IGSF11: variants seen among roughly 807,000 people sequenced by gnomAD.
The protein encoded by IGSF11 is CXADR like 1.
Under a neutral mutation model 41.0 loss-of-function variants are expected in IGSF11, and 22 were observed. The ratio of observed to expected loss-of-function variants is 0.54; its 90% CI spans 0.38 to 0.77. The LOEUF is 0.77. Ranked by LOEUF, IGSF11 falls within the 30% of genes least tolerant of loss-of-function variation. IGSF11 has a pLI of 0.00. For synonymous variants in IGSF11, 219 were observed against 201.3 expected, an observed-to-expected ratio of 1.09 and a Z score of -0.74; for missense variants, 444 against 530.8, an observed-to-expected ratio of 0.84 and a Z score of 1.61.
intron 1 of IGSF11, among the ~76,000 whole-genome samples, chr3:119,009,980 T>C (rs1234758185): frequency 6.6e-6 from 1 of 152,206 alleles, no homozygotes; most frequent in African/African-American, 2.4e-5. Context: ...TTTTGATATT[T>C]TGAATATGAA....
intron 1 of IGSF11, among the ~76,000 whole-genome samples, chr3:119,008,329 T>C (rs1407395324): frequency 6.6e-6 from 1 of 152,232 alleles, no homozygotes; most frequent in African/African-American, 2.4e-5. Flanking sequence ...CCTTGCACTT[T>C]TTGAATTCCA....
At chr3:118,958,844 A>G (rs1386788229) in intron 1 of IGSF11, among the ~76,000 whole-genome samples, 1 of 152,214 alleles carries the variant, frequency 6.6e-6, no homozygotes, top group Admixed American at 6.5e-5. Flanking sequence ...GAGAACAGCT[A>G]TTTATTAAGG....
intron 2 of IGSF11, 135 bp from the exon 3 acceptor site, chr3:118,928,851 C>A: frequency 1.5e-6 from 1 of 659,978 alleles, no homozygotes. Flanking sequence ...TAATTATCAT[C>A]AACTTTTTTT....
chr3:119,048,043 C>T (rs1443396712), intron 1 of IGSF11, among the ~76,000 whole-genome samples: 1 of 151,234 alleles, frequency 6.6e-6, no homozygotes, highest in South Asian at 2.1e-4. Context: ...CAAGAGAAAG[C>T]AGGAAAGATC....
At chr3:118,904,100 T>C (rs911499605) in intron 6 of IGSF11, among the ~76,000 whole-genome samples, 2 of 152,170 alleles carry the variant, frequency 1.3e-5, no homozygotes, top group African/African-American at 4.8e-5. Flanking sequence ...AATAAAGATA[T>C]GCCATGATGA....
At chr3:119,079,276 T>G (rs2076551392) in intron 1 of IGSF11, among the ~76,000 whole-genome samples, 1 of 151,952 alleles carries the variant, frequency 6.6e-6, no homozygotes, top group Non-Finnish European at 1.5e-5. Context: ...GGAGAATCAC[T>G]TGAACCCCAG....
At chr3:119,132,469 A>G (rs1487688623) in intron 1 of IGSF11, among the ~76,000 whole-genome samples, 1 of 151,704 alleles carries the variant, frequency 6.6e-6, no homozygotes, top group East Asian at 1.9e-4. Context: ...ATGAAAAGGG[A>G]CAAAGAAGGC....
At chr3:118,998,188 T>G (rs561678253) in intron 1 of IGSF11, among the ~76,000 whole-genome samples, 25 of 152,320 alleles carry the variant, frequency 1.6e-4, no homozygotes, top group Non-Finnish European at 2.9e-4. Flanking sequence ...GCTTATGACC[T>G]AATTGTTTGG....
intron 1 of IGSF11, among the ~76,000 whole-genome samples, chr3:118,964,915 T>A (rs774151195): frequency 6.6e-6 from 1 of 152,210 alleles, no homozygotes; most frequent in African/African-American, 2.4e-5. Flanking sequence ...CCTTGACTTT[T>A]TTCCTAACCA....
At chr3:118,911,965 C>T (rs1050977144) in intron 4 of IGSF11, among the ~76,000 whole-genome samples, 1 of 152,126 alleles carries the variant, frequency 6.6e-6, no homozygotes, top group African/African-American at 2.4e-5. Context: ...AGATAATCAT[C>T]TCTCTTCACT....
chr3:118,923,512 C>T (rs1942021039), intron 4 of IGSF11, among the ~76,000 whole-genome samples: 1 of 152,108 alleles, frequency 6.6e-6, no homozygotes, highest in African/African-American at 2.4e-5. Flanking sequence ...TTATCTCAAC[C>T]ATGTCCTTTA....
chr3:119,091,598 GAGGAAC>G (rs143249605), intron 1 of IGSF11, among the ~76,000 whole-genome samples: 25,462 of 152,030 alleles, frequency 0.17, 2,594 homozygotes, highest in Non-Finnish European at 0.24. Context: ...CAAATTAATG[GAGGAAC>G]AGAAAAACTA....
intron 1 of IGSF11, among the ~76,000 whole-genome samples, chr3:119,077,563 A>G (rs986190490): frequency 4.6e-5 from 7 of 152,160 alleles, no homozygotes; most frequent in Admixed American, 1.3e-4. Flanking sequence ...CAAACCCACA[A>G]CCAACATCAT....
intron 1 of IGSF11, among the ~76,000 whole-genome samples, chr3:119,090,809 T>C (rs562852593): frequency 6.6e-6 from 1 of 152,318 alleles, no homozygotes; most frequent in South Asian, 2.1e-4. Context: ...AAATAGATTC[T>C]TGACATCAGC....
chr3:119,055,526 CTT>C (rs370666482), intron 1 of IGSF11, among the ~76,000 whole-genome samples: 3,751 of 152,216 alleles, frequency 0.025, 149 homozygotes, highest in African/African-American at 0.086. Flanking sequence ...TAATGGGAGA[CTT>C]TTAACAACCC....
intron 1 of IGSF11, among the ~76,000 whole-genome samples, chr3:118,973,414 T>C (rs1408983801): frequency 6.6e-6 from 1 of 152,210 alleles, no homozygotes; most frequent in Non-Finnish European, 1.5e-5. Context: ...TGCGTAGAAT[T>C]TGGTGACACC....
chr3:119,056,132 T>C (rs1270256827), intron 1 of IGSF11, among the ~76,000 whole-genome samples: 2 of 151,670 alleles, frequency 1.3e-5, no homozygotes, highest in Admixed American at 6.6e-5. Context: ...AGAGCAGAAC[T>C]GAAGGAAATA....
At chr3:119,071,491 A>AAAG (rs2076398895) in intron 1 of IGSF11, among the ~76,000 whole-genome samples, 2 of 152,174 alleles carry the variant, frequency 1.3e-5, no homozygotes, top group Non-Finnish European at 2.9e-5. Flanking sequence ...ATTTTGAGCT[A>AAAG]ATTTTTGTAT....
chr3:119,051,004 G>T (rs1173817005), intron 1 of IGSF11, among the ~76,000 whole-genome samples: 1 of 146,172 alleles, frequency 6.8e-6, no homozygotes, highest in Non-Finnish European at 1.5e-5. Flanking sequence ...TGTGGGTTGG[G>T]GGGAGGGGGG....
Sources: allele counts gnomAD v4.1 joint callset (sites outside exome capture counted in the v4.1 genomes callset), GRCh38; gene constraint gnomAD v4.1.1; transcripts MANE v1.5; gene names NCBI Gene and HGNC (gene_info 2026-07-23, HGNC 2026-07-21).